TTLL4: variants seen among roughly 807,000 people sequenced by gnomAD.
TTLL4 encodes tubulin monoglutamylase TTLL4.
Under a neutral mutation model 122.7 loss-of-function variants are expected in TTLL4, and 85 were observed. The observed-to-expected ratio is 0.69, with a 90% CI of 0.58 to 0.83. The LOEUF is 0.83. Ranked by LOEUF, TTLL4 falls within the 40% of genes least tolerant of loss-of-function variation. The pLI is 0.00. For synonymous variants in TTLL4, 553 were observed against 563.0 expected, an observed-to-expected ratio of 0.98 and a Z score of 0.25; for missense variants, 1,363 against 1,488.6, an observed-to-expected ratio of 0.92 and a Z score of 1.39.
At chr2:218,714,221 T>TAG (rs1265918836) in intron 1 of TTLL4, among the ~76,000 whole-genome samples, 1 of 152,162 alleles carries the variant, frequency 6.6e-6, no homozygotes. Flanking sequence ...AAAGGATGGG[T>TAG]AGAGCAAAGA....
chr2:218,745,365 A>AAG, intron 6 of TTLL4, 132 bp downstream of exon 6: 2 of 1,253,686 alleles, frequency 1.6e-6, no homozygotes, highest in South Asian at 2.7e-5. Context: ...CACTGTGCTC[A>AAG]GTTCCCCATG....
At chr2:218,717,165 G>A (rs1482245232) in intron 1 of TTLL4, among the ~76,000 whole-genome samples, 1 of 151,758 alleles carries the variant, frequency 6.6e-6, no homozygotes, top group Non-Finnish European at 1.5e-5. Context: ...GTTTCACCAT[G>A]TTGCCCATGC....
chr2:218,722,623 G>T (rs535561749), intron 1 of TTLL4, among the ~76,000 whole-genome samples: 1 of 152,312 alleles, frequency 6.6e-6, no homozygotes, highest in South Asian at 2.1e-4. Context: ...AGTGGCTCTG[G>T]ATAAGGTCAG....
At chr2:218,720,240 C>T (rs983410536) in intron 1 of TTLL4, among the ~76,000 whole-genome samples, 4 of 152,090 alleles carry the variant, frequency 2.6e-5, no homozygotes, top group African/African-American at 9.6e-5. Context: ...TAATAGTTGA[C>T]ATTGTGAGAG....
chr2:218,728,861 T>C (rs1942268640), intron 2 of TTLL4, among the ~76,000 whole-genome samples: 1 of 151,798 alleles, frequency 6.6e-6, no homozygotes, highest in African/African-American at 2.4e-5. Context: ...GATGTTTCTC[T>C]CTTCAGGCAC....
At chr2:218,755,840 G>A (rs527555439), downstream of TTLL4, among the ~76,000 whole-genome samples, 1 of 152,148 alleles carries the variant, frequency 6.6e-6, no homozygotes, top group Non-Finnish European at 1.5e-5. Context: ...GAGGTGGGGT[G>A]GGGCCCTGGA....
downstream of TTLL4, among the ~76,000 whole-genome samples, chr2:218,757,135 A>G (rs578147784): frequency 6.0e-4 from 91 of 152,300 alleles, 1 homozygote; most frequent in African/African-American, 2.1e-3. Flanking sequence ...CATAGAGGGC[A>G]CTTTGCATGG....
chr2:218,751,785 G>T lies in TTLL4; in HGVS notation c.2955G>T (p.Leu985=). ...AGAAGATGAAGAAAGCCTATTATCT[G>T]ACCCAGAAAATTCCTGATCAGGTAG... ...TAQKMKKAYY[L]TQKIPDQDFY... The change falls in exon 16 of 20, where the codon CTG becomes CTT. Residue 985 remains leucine (L), a synonymous_variant. Coordinates refer to ENST00000392102, the MANE Select transcript of TTLL4 (RefSeq NM_014640.5). 1 of 1,611,656 alleles carries T rather than the reference G, an allele frequency of 6.2e-7. No homozygotes were observed. Among genetic ancestry groups the T allele is most frequent in the South Asian group, 1.1e-5 (1 of 90,812 alleles).
intron 13 of TTLL4, 144 bp from the exon 14 acceptor site, chr2:218,749,109 C>A: frequency 1.5e-6 from 2 of 1,299,824 alleles, no homozygotes; most frequent in Non-Finnish European, 2.1e-6. Context: ...AGGAGCTGGT[C>A]CCAGATCAGA....
chr2:218,745,561 A>G (rs1942817923), intron 6 of TTLL4, 130 bp from the exon 7 acceptor site: 1 of 695,840 alleles, frequency 1.4e-6, no homozygotes. Context: ...TGAAACCCTG[A>G]TCTGGAGCAA....
chr2:218,725,887 G>A (rs980051202), intron 1 of TTLL4, among the ~76,000 whole-genome samples: 5 of 152,170 alleles, frequency 3.3e-5, no homozygotes, highest in Middle Eastern at 3.4e-3. Context: ...AGTTGCTGTA[G>A]CTATTATTAT....
At chr2:218,712,719 A>G (rs1190947821) in intron 1 of TTLL4, among the ~76,000 whole-genome samples, 2 of 152,020 alleles carry the variant, frequency 1.3e-5, no homozygotes, top group Non-Finnish European at 2.9e-5. Context: ...CTTCCCTTAC[A>G]AAAAAAGGGT....
At chr2:218,721,896 A>G (rs1238300370) in intron 1 of TTLL4, among the ~76,000 whole-genome samples, 1 of 152,126 alleles carries the variant, frequency 6.6e-6, no homozygotes, top group Non-Finnish European at 1.5e-5. Context: ...GGCTGAGGCA[A>G]GAGGATCACT....
chr2:218,751,382 G>T (rs189707831), intron 15 of TTLL4, among the ~76,000 whole-genome samples: 50 of 152,326 alleles, frequency 3.3e-4, no homozygotes, highest in Non-Finnish European at 6.2e-4. Context: ...GTAGGGCAGA[G>T]TTGAGTATAT....
At chr2:218,721,204 T>C (rs967453971) in intron 1 of TTLL4, among the ~76,000 whole-genome samples, 1 of 151,270 alleles carries the variant, frequency 6.6e-6, no homozygotes, top group African/African-American at 2.5e-5. Flanking sequence ...TCAAACCCCA[T>C]GGGGGGGTTT....
chr2:218,757,876 T>C (rs1219360413), downstream of TTLL4, among the ~76,000 whole-genome samples: 1 of 152,180 alleles, frequency 6.6e-6, no homozygotes, highest in East Asian at 1.9e-4. Context: ...TGATTTGTCC[T>C]CTAAGATTAA....
At chr2:218,733,887 T>G (rs925681044) in intron 2 of TTLL4, among the ~76,000 whole-genome samples, 2 of 152,214 alleles carry the variant, frequency 1.3e-5, no homozygotes, top group Non-Finnish European at 2.9e-5. Flanking sequence ...GGAAGTGTTG[T>G]GCAGTGAGTG....
chr2:218,753,332 A>G, intron 18 of TTLL4, 147 bp downstream of exon 18: 6 of 1,010,256 alleles, frequency 5.9e-6, no homozygotes, highest in Non-Finnish European at 9.1e-6. Context: ...TTTCCTTTCA[A>G]GGGAATAGTT....
At position 218,748,038 on chromosome 2, in the gene TTLL4, A is replaced by G. The variant is rs1033862840; in HGVS notation, c.2379-67A>G. 8.8e-6 allele frequency: 14 copies of G among 1,597,926 alleles called. 1 individual carries two copies. Among genetic ancestry groups the G allele is most frequent in the Middle Eastern group, 1.7e-4 (1 of 6,034 alleles). ...CTACACCTCTTCAGGATTTGGGGAA[A>G]TGTTTGGCCCCTTCTCCATCTGCTC... On this transcript the variant is annotated intron_variant, in intron 11 of 19. Transcript: ENST00000392102.
Sources: allele counts gnomAD v4.1 joint callset (sites outside exome capture counted in the v4.1 genomes callset), GRCh38; gene constraint gnomAD v4.1.1; transcripts MANE v1.5; gene names NCBI Gene and HGNC (gene_info 2026-07-23, HGNC 2026-07-21).